WDR35: variants seen among roughly 807,000 people sequenced by gnomAD.
The protein encoded by WDR35 is WD repeat-containing protein 35.
A neutral mutation model predicts 158.3 loss-of-function variants in WDR35; 118 were observed. The observed-to-expected ratio is 0.75, with a 90% CI of 0.64 to 0.87. WDR35 has a LOEUF of 0.87. Among genes scored for constraint, WDR35 ranks in the 40% least tolerant of loss-of-function variants. WDR35 has a pLI of 0.00. For synonymous variants in WDR35, 448 were observed against 476.1 expected, an observed-to-expected ratio of 0.94 and a Z score of 0.77; for missense variants, 1,263 against 1,405.8, an observed-to-expected ratio of 0.90 and a Z score of 1.62.
chr2:19,936,197 G>A (rs1670687096), intron 20 of WDR35, 22 bp downstream of exon 20: 1 of 1,613,560 alleles, frequency 6.2e-7, no homozygotes, highest in African/African-American at 1.3e-5. Flanking sequence ...AATGCTTGAG[G>A]AGCTCCAGGT....
intron 1 of WDR35, 24 bp downstream of exon 1, chr2:19,989,968 G>A (rs1409563035): frequency 1.2e-6 from 2 of 1,613,406 alleles, no homozygotes; most frequent in Non-Finnish European, 1.7e-6. Context: ...GCGGAGAAAC[G>A]AGGACGCCCC....
In WDR35 at chr2:19,922,608, C is replaced by T. The variant is rs1266524171; in HGVS notation, c.3121+7788G>A. On this transcript the variant is annotated intron_variant, in intron 25 of 26. Coordinates refer to ENST00000281405, the MANE Select transcript of WDR35 (RefSeq NM_020779.4). ...GGGAGGGATAGCATAAGGAGAAATA[C>T]CTAATGTAGATGACGGGTTGATGGG... is the stretch of plus-strand genomic sequence containing the variant. Among the ~76,000 whole-genome samples the T allele has an allele frequency of 2.6e-5, 4 of 152,078 alleles. No individual in the cohort carries two copies. The East Asian group carries it at 5.8e-4, about 22-fold the overall frequency.
At chr2:19,989,079 A>G (rs2103473579) in intron 2 of WDR35, 86 bp downstream of exon 2, 2 of 1,134,208 alleles carry the variant, frequency 1.8e-6, no homozygotes, top group Middle Eastern at 1.9e-4. Context: ...TCAGAACTGC[A>G]TATTGACAGA....
rs1488178079 is a variant in WDR35, at chr2:19,990,086, G to C, written c.-71C>G. 1.3e-6 allele frequency: 2 copies of C among 1,591,388 alleles called. No individual in the cohort carries two copies. Among genetic ancestry groups the C allele is most frequent in the Non-Finnish European group, 1.7e-6 (2 of 1,166,976 alleles). On this transcript the variant is annotated 5_prime_UTR_variant, in exon 1 of 27. Coordinates refer to ENST00000281405, the MANE Select transcript of WDR35 (RefSeq NM_020779.4). Reference sequence around the variant, plus strand: ...AAGTAACGGTTCTACGTCTCCAATCGGGAGTACCAGCAGCTCCGGAAAGCT... The same window carrying C: ...AAGTAACGGTTCTACGTCTCCAATCCGGAGTACCAGCAGCTCCGGAAAGCT...
chr2:19,964,823 C>A (rs7604699), intron 10 of WDR35, among the ~76,000 whole-genome samples: 69,384 of 151,946 alleles, frequency 0.46, 16,060 homozygotes, highest in East Asian at 0.64. Flanking sequence ...TATGGTTATC[C>A]TATTTTTAAT....
At chr2:19,927,687 C>T (rs1670399202) in intron 25 of WDR35, among the ~76,000 whole-genome samples, 1 of 152,180 alleles carries the variant, frequency 6.6e-6, no homozygotes. Context: ...TCTAGAAGGA[C>T]ACTCTACAAA....
intron 5 of WDR35, among the ~76,000 whole-genome samples, chr2:19,978,279 T>G (rs1416914020): frequency 6.6e-6 from 1 of 151,768 alleles, no homozygotes; most frequent in Non-Finnish European, 1.5e-5. Context: ...TCTACAGAGT[T>G]TCAAATTAAA....
At chr2:19,940,538 CA>C (rs1670838819) in intron 17 of WDR35, among the ~76,000 whole-genome samples, 1 of 152,142 alleles carries the variant, frequency 6.6e-6, no homozygotes, top group East Asian at 1.9e-4. Flanking sequence ...GTCAGATAGT[CA>C]AATCTGGAGG....
At position 19,990,094 on chromosome 2, in the gene WDR35, C is replaced by A; in HGVS notation, c.-79G>T. ...GTTCTACGTCTCCAATCGGGAGTAC[C>A]AGCAGCTCCGGAAAGCTCCCGTCGC... On this transcript the variant is annotated 5_prime_UTR_variant, in exon 1 of 27. Transcript: ENST00000281405. The A allele has an allele frequency of 1.1e-5, 17 of 1,581,552 alleles. No individual in the cohort carries two copies. Among genetic ancestry groups the A allele is most frequent in the Non-Finnish European group, 1.5e-5 (17 of 1,160,990 alleles).
At chr2:19,931,130 T>G in intron 24 of WDR35, 139 bp downstream of exon 24, 1 of 1,019,332 alleles carries the variant, frequency 9.8e-7, no homozygotes, top group East Asian at 2.6e-5. Context: ...TCAGTCATTC[T>G]TTTTCTTCAT....
At chr2:19,975,033 A>G (rs1672160803) in intron 6 of WDR35, among the ~76,000 whole-genome samples, 2 of 152,218 alleles carry the variant, frequency 1.3e-5, no homozygotes, top group Non-Finnish European at 2.9e-5. Context: ...GCAAAGCCAG[A>G]ATTTTTCTCC....
Position 19,948,219 on chromosome 2 carries a change from T to G in WDR35, c.1471-2A>C. The G allele has an allele frequency of 6.2e-7, 1 of 1,609,080 alleles. No homozygotes were observed. Among genetic ancestry groups the G allele is most frequent in the Non-Finnish European group, 8.5e-7 (1 of 1,177,954 alleles). ...GGCACAAATTGGATCCCTTGTGCCCTAAAATAAATTAATCAATCATTACTA... is the reference window on the plus strand; with the variant it reads ...GGCACAAATTGGATCCCTTGTGCCCGAAAATAAATTAATCAATCATTACTA... On this transcript the variant is annotated splice_acceptor_variant, in intron 13 of 26. Coordinates refer to ENST00000281405, the MANE Select transcript of WDR35 (RefSeq NM_020779.4). LOFTEE classifies it high-confidence loss of function.
chr2:19,961,860 G>C (rs531254389), intron 10 of WDR35, among the ~76,000 whole-genome samples: 36 of 152,266 alleles, frequency 2.4e-4, no homozygotes, highest in African/African-American at 8.7e-4. Context: ...CAATGCTCCT[G>C]CTCATTCTAT....
At chr2:19,921,460 A>C (rs925849383) in intron 25 of WDR35, among the ~76,000 whole-genome samples, 3 of 152,240 alleles carry the variant, frequency 2.0e-5, no homozygotes, top group African/African-American at 7.2e-5. Context: ...GAAACCTGAC[A>C]AAAACAAGAA....
intron 25 of WDR35, among the ~76,000 whole-genome samples, chr2:19,923,774 C>T (rs529626178): frequency 6.6e-6 from 1 of 152,270 alleles, no homozygotes; most frequent in African/African-American, 2.4e-5. Context: ...ATACACCCCC[C>T]AGAACAACGG....
Position 19,914,190 on chromosome 2 carries a change from A to G in WDR35, c.3209T>C (p.Phe1070Ser). Residue 1070 changes from phenylalanine to serine, a missense_variant, in exon 26 of 27, where the codon TTT (phenylalanine) becomes TCT (serine). Physicochemically the swap from Phe to Ser is radical, Grantham distance 155 (BLOSUM62 -2). Transcript: ENST00000281405. ...AATGAAAGCTTTTGAACAAGTCCCA[A>G]AGGCTCTGCTGGCGCATGCGCAGAG... is the stretch of plus-strand genomic sequence containing the variant. ...LALCACASRA[F>S]GTCSKAFIKL... The G allele has an allele frequency of 1.2e-6, 2 of 1,614,212 alleles. No homozygotes were observed. The highest frequency in any genetic ancestry group is 1.3e-5 in the African/African-American group (1 of 75,058).
rs1298384018 is a variant in WDR35 at position 19,975,608 on chromosome 2, C to T, written c.492G>A (p.Trp164Ter). The T allele has an allele frequency of 2.5e-6, 4 of 1,614,080 alleles. No individual in the cohort carries two copies. The Admixed American group carries it at 5.0e-5, about 20-fold the overall frequency. The change falls in exon 6 of 27, where the codon TGG becomes TGA. Residue 164 changes from tryptophan (W) to a stop codon, truncating the protein, a stop_gained. Transcript: ENST00000281405. LOFTEE classifies it high-confidence loss of function. ...AAAGTAAGACTTTACTGTCCGCAGA[C>T]CATGTTACATGGGATAGCTGTATAC... ...LKGIQLSHVT[W>*]SADSKVLLFG...
chr2:19,938,547 T>A, intron 17 of WDR35, 146 bp from the exon 18 acceptor site: 1 of 1,103,774 alleles, frequency 9.1e-7, no homozygotes. Flanking sequence ...AATCTTCACG[T>A]TTGGGTCTTT....
intron 13 of WDR35, 56 bp from the exon 14 acceptor site, chr2:19,948,273 C>A: frequency 4.0e-6 from 6 of 1,483,418 alleles, no homozygotes; most frequent in Non-Finnish European, 5.6e-6. Flanking sequence ...AATAACTAAC[C>A]TGGTACAACG....
Sources: allele counts gnomAD v4.1 joint callset (sites outside exome capture counted in the v4.1 genomes callset), GRCh38; gene constraint gnomAD v4.1.1; transcripts MANE v1.5; gene names NCBI Gene and HGNC (gene_info 2026-07-23, HGNC 2026-07-21).